Variants in RAPGEF4 observed in about 807,000 individuals in gnomAD.
RAPGEF4 encodes RAP guanine-nucleotide-exchange factor (GEF) 4.
Under a neutral mutation model 147.9 loss-of-function variants are expected in RAPGEF4, and 66 were observed. The ratio of observed to expected loss-of-function variants is 0.45; its 90% CI spans 0.37 to 0.55. RAPGEF4 has a LOEUF of 0.55. Ranked by LOEUF, RAPGEF4 falls within the 20% of genes least tolerant of loss-of-function variation. The probability of loss-of-function intolerance (pLI) is 0.00; values close to 1 mark genes in which losing one functional copy is unlikely to be tolerated. For missense variants in RAPGEF4, 1,071 were observed against 1,257.3 expected (o/e 0.85, Z 2.24); for synonymous variants, 419 against 442.7 (o/e 0.95, Z 0.67).
chr2:172,962,458 C>T (rs995173701), intron 8 of RAPGEF4, among the ~76,000 whole-genome samples: 1 of 151,854 alleles, frequency 6.6e-6, no homozygotes, highest in Non-Finnish European at 1.5e-5. Context: ...AATAAGTGCT[C>T]AATAAATGTT....
At chr2:172,987,308 T>TA (rs1030750040) in intron 12 of RAPGEF4, among the ~76,000 whole-genome samples, 1 of 151,938 alleles carries the variant, frequency 6.6e-6, no homozygotes, top group African/African-American at 2.4e-5. Context: ...TCTCAAAAAA[T>TA]AAAAAATAAA....
intron 29 of RAPGEF4, among the ~76,000 whole-genome samples, chr2:173,047,178 A>G (rs1015036773): frequency 6.6e-6 from 1 of 152,174 alleles, no homozygotes; most frequent in Non-Finnish European, 1.5e-5. Context: ...AGTGCCAGCT[A>G]TTGTTCAAAT....
At chr2:172,753,504 A>G (rs913666892) in intron 1 of RAPGEF4, among the ~76,000 whole-genome samples, 2 of 151,856 alleles carry the variant, frequency 1.3e-5, no homozygotes, top group Admixed American at 6.6e-5. Context: ...AATATATTTG[A>G]GTATATTTCT....
chr2:172,901,338 T>C (rs1424968740), intron 4 of RAPGEF4, among the ~76,000 whole-genome samples: 1 of 152,252 alleles, frequency 6.6e-6, no homozygotes, highest in Non-Finnish European at 1.5e-5. Context: ...TTGTTTTTAT[T>C]GGTATCAAGT....
chr2:172,747,810 A>G (rs1694917367), intron 1 of RAPGEF4, among the ~76,000 whole-genome samples: 1 of 152,096 alleles, frequency 6.6e-6, no homozygotes, highest in South Asian at 2.1e-4. Context: ...CCCTTGACCA[A>G]TATCTCCCCA....
intron 6 of RAPGEF4, among the ~76,000 whole-genome samples, chr2:172,954,010 C>A (rs1316737510): frequency 6.6e-6 from 1 of 152,134 alleles, no homozygotes; most frequent in African/African-American, 2.4e-5. Flanking sequence ...GGTGAATGCT[C>A]TGGGTGTATT....
At chr2:172,799,393 C>A (rs187327270) in intron 3 of RAPGEF4, among the ~76,000 whole-genome samples, 2 of 152,318 alleles carry the variant, frequency 1.3e-5, no homozygotes, top group East Asian at 1.9e-4. Flanking sequence ...CACCACTGCT[C>A]TCCACCATTT....
chr2:172,934,275 A>C (rs1974922), intron 6 of RAPGEF4, among the ~76,000 whole-genome samples: 122,991 of 151,004 alleles, frequency 0.81, 51,953 homozygotes, highest in East Asian at 0.98. Context: ...TCAGCCTCCC[A>C]AGTAGCTGGG....
At chr2:173,017,383 T>C (rs752366666) in intron 20 of RAPGEF4, 43 bp from the exon 21 acceptor site, 2 of 1,567,280 alleles carry the variant, frequency 1.3e-6, no homozygotes, top group Non-Finnish European at 1.8e-6. Flanking sequence ...TAGCATGCAT[T>C]GGTCACTGTC....
intron 4 of RAPGEF4, among the ~76,000 whole-genome samples, chr2:172,865,129 G>C (rs1694484660): frequency 6.6e-6 from 1 of 152,114 alleles, no homozygotes; most frequent in South Asian, 2.1e-4. Context: ...CTTTCCACAT[G>C]GCTTCTGTGG....
chr2:172,799,224 T>C (rs1209969853), intron 3 of RAPGEF4, among the ~76,000 whole-genome samples: 1 of 152,202 alleles, frequency 6.6e-6, no homozygotes, highest in African/African-American at 2.4e-5. Flanking sequence ...TCTTTAATCC[T>C]CAAGTCAACC....
At chr2:172,934,837 G>C (rs1413377981) in intron 6 of RAPGEF4, among the ~76,000 whole-genome samples, 1 of 151,986 alleles carries the variant, frequency 6.6e-6, no homozygotes, top group Non-Finnish European at 1.5e-5. Context: ...TATAACTCCA[G>C]ACTTCTAAGT....
intron 4 of RAPGEF4, among the ~76,000 whole-genome samples, chr2:172,831,285 T>TTTTTTTTTTTTTTTGAAA (rs1690303455): frequency 7.0e-6 from 1 of 142,218 alleles, no homozygotes. Flanking sequence ...TTTTTTTTTT[T>TTTTTTTTTTTTTTTGAAA]GAGACAGAGT....
At chr2:172,982,264 T>C (rs1691762974) in intron 10 of RAPGEF4, among the ~76,000 whole-genome samples, 1 of 152,214 alleles carries the variant, frequency 6.6e-6, no homozygotes, top group African/African-American at 2.4e-5. Flanking sequence ...AATGTTTAAT[T>C]AGTAATAATT....
chr2:172,986,501 G>C (rs1264946413), intron 12 of RAPGEF4, among the ~76,000 whole-genome samples: 3 of 151,752 alleles, frequency 2.0e-5, no homozygotes, highest in African/African-American at 7.3e-5. Flanking sequence ...AATGTTCAAG[G>C]CTTACTTTAA....
chr2:172,855,156 C>T (rs1278680896), intron 4 of RAPGEF4, among the ~76,000 whole-genome samples: 3 of 152,108 alleles, frequency 2.0e-5, no homozygotes, highest in African/African-American at 4.8e-5. Flanking sequence ...ACCTTCATGG[C>T]TGCCACAAAT....
chr2:172,803,633 C>T (rs535748649), intron 3 of RAPGEF4, among the ~76,000 whole-genome samples: 1 of 152,322 alleles, frequency 6.6e-6, no homozygotes, highest in Admixed American at 6.5e-5. Flanking sequence ...CTCCCTGTTA[C>T]TTATGCAAAT....
intron 30 of RAPGEF4, 28 bp downstream of exon 30, chr2:173,048,682 A>G: frequency 6.2e-7 from 1 of 1,614,014 alleles, no homozygotes; most frequent in Non-Finnish European, 8.5e-7. Context: ...ACCTCTTACA[A>G]TGTAGATGTT....
At chr2:172,979,742 A>G (rs960334572) in intron 10 of RAPGEF4, among the ~76,000 whole-genome samples, 3 of 152,218 alleles carry the variant, frequency 2.0e-5, no homozygotes, top group Non-Finnish European at 2.9e-5. Context: ...GTGGCCTTGC[A>G]TGGTGTCTGA....
Sources: gnomAD v4.1 joint callset for allele counts (sites outside exome capture counted in the v4.1 genomes callset) on GRCh38, gnomAD v4.1.1 for gene constraint, MANE v1.5 for transcripts, NCBI Gene and HGNC (gene_info 2026-07-23, HGNC 2026-07-21) for gene names.